The following IL20RB variants were observed in gnomAD, a reference collection of about 807,000 sequenced individuals.
IL20RB encodes the protein interleukin 20 receptor subunit beta.
IL20RB carries 21 observed loss-of-function variants against 33.3 expected under a neutral mutation model. The observed-to-expected ratio is 0.63, with a 90% confidence interval of 0.45 to 0.91. The LOEUF (loss-of-function observed/expected upper bound fraction) is 0.91. IL20RB is among the 40% of genes least tolerant of loss of function. IL20RB has a pLI of 0.00. For missense variants in IL20RB, 345 were observed against 384.8 expected, an observed-to-expected ratio of 0.90 and a Z score of 0.86; for synonymous variants, 147 against 146.8, an observed-to-expected ratio of 1.00 and a Z score of -0.01.
rs1391427754 is a variant in IL20RB, at chr3:136,982,306, C to A, written c.362C>A (p.Thr121Asn). The A allele has an allele frequency of 2.5e-6, 4 of 1,608,616 alleles. No homozygotes were observed. The highest frequency in any genetic ancestry group is 3.4e-6 in the Non-Finnish European group (4 of 1,175,946). The change falls in exon 3 of 7, where the codon ACC (threonine) becomes AAC (asparagine). Residue 121 changes from threonine (T) to asparagine (N), a missense_variant. Coordinates refer to ENST00000329582, the MANE Select transcript of IL20RB (RefSeq NM_144717.4). ...GTCAGGGCCACATTGGGCTCACAGA[C>A]CTCAGCCTGGAGCATCCTGAAGCAT... is the stretch of plus-strand genomic sequence containing the variant. ...LRVRATLGSQTSAWSILKHPF... is the reference protein window; with the variant it reads ...LRVRATLGSQNSAWSILKHPF...
chr3:136,987,884 C>A (rs910317891), intron 3 of IL20RB, among the ~76,000 whole-genome samples: 1 of 152,144 alleles, frequency 6.6e-6, no homozygotes, highest in Non-Finnish European at 1.5e-5. Context: ...GCTCCGAGTG[C>A]GGGGCCCACC....
At chr3:136,985,340 T>A (rs1459562924) in intron 3 of IL20RB, among the ~76,000 whole-genome samples, 3 of 47,574 alleles carry the variant, frequency 6.3e-5, no homozygotes, top group Non-Finnish European at 8.7e-5. Flanking sequence ...TCTCTCTCTT[T>A]TTTTTTTTTT....
At chr3:136,963,683 T>C (rs529240617) in intron 1 of IL20RB, among the ~76,000 whole-genome samples, 6 of 94,754 alleles carry the variant, frequency 6.3e-5, no homozygotes, top group South Asian at 3.4e-4. Context: ...AGTTCTTTTT[T>C]TTTTTTTTTA....
Position 137,010,237 on chromosome 3 carries a change from C to G in IL20RB, c.*14C>G. On this transcript the variant is annotated 3_prime_UTR_variant, in exon 7 of 7. Transcript: ENST00000329582. The stretch of plus-strand genomic sequence containing the variant: ...TGGATCTCATAGGTTTGCGGAAGGG[C>G]CCAGGTGAAGCCGAGAACCTGGTCT... 7.8e-7 allele frequency: 1 copy of G among 1,282,954 alleles called. No individual in the cohort carries two copies. 79.5% of individuals were successfully genotyped at this position (1,282,954 alleles called of 1,614,324 possible). A position where few individuals can be genotyped will look rare whatever the true frequency, so the allele number is the denominator to read the frequency against.
intron 2 of IL20RB, among the ~76,000 whole-genome samples, chr3:136,981,822 G>A (rs1429575579): frequency 6.6e-6 from 1 of 152,198 alleles, no homozygotes; most frequent in Non-Finnish European, 1.5e-5. Context: ...AATCTGCTGA[G>A]TGGTGAATGG....
intron 5 of IL20RB, among the ~76,000 whole-genome samples, chr3:136,992,977 T>C (rs548370504): frequency 2.3e-4 from 35 of 152,346 alleles, no homozygotes; most frequent in African/African-American, 4.3e-4. Context: ...ATAACATTTT[T>C]CATGCAGATT....
At chr3:136,997,436 T>A (rs972833864) in intron 6 of IL20RB, among the ~76,000 whole-genome samples, 2 of 152,170 alleles carry the variant, frequency 1.3e-5, no homozygotes, top group African/African-American at 2.4e-5. Context: ...ATTTCGAGGC[T>A]CTGTTTTAAG....
rs1184116089 is a variant in IL20RB at position 136,994,046 on chromosome 3, A to G, written c.683-1368A>G. ...AAAATCTATATGTCAATATATGTAA[A>G]TGAAAGGCTGTTGCTCTAGTTCAGA... On this transcript the variant is annotated intron_variant, in intron 5 of 6. Coordinates refer to ENST00000329582, the MANE Select transcript of IL20RB (RefSeq NM_144717.4). Among the ~76,000 whole-genome samples the G allele has an allele frequency of 5.3e-5, 8 of 152,118 alleles. 1 individual carries two copies. Among genetic ancestry groups the G allele is most frequent in the African/African-American group, 1.9e-4 (8 of 41,430 alleles).
At chr3:136,969,960 T>A (rs1941428921) in intron 1 of IL20RB, among the ~76,000 whole-genome samples, 1 of 152,178 alleles carries the variant, frequency 6.6e-6, no homozygotes, top group African/African-American at 2.4e-5. Flanking sequence ...CCTAAAAGTT[T>A]TAGAGTTTTA....
intron 3 of IL20RB, among the ~76,000 whole-genome samples, chr3:136,986,297 T>C (rs946033309): frequency 6.6e-6 from 1 of 152,094 alleles, no homozygotes; most frequent in Non-Finnish European, 1.5e-5. Flanking sequence ...TAAAGCTTCC[T>C]GGGCAGATTA....
At chr3:136,963,692 T>TA (rs1553802036) in intron 1 of IL20RB, among the ~76,000 whole-genome samples, 6,263 of 132,190 alleles carry the variant, frequency 0.047, 155 homozygotes, top group Non-Finnish European at 0.064. Context: ...TTTTTTTTTT[T>TA]ATTTTTTTTT....
Position 136,995,507 on chromosome 3 carries a change from G to C in IL20RB, c.776G>C (p.Arg259Pro). ...CCACTGTTCGTCTGGAAAATGGGCC[G>C]GCTGCTCCAGTACTCCTGTTGCCCC... ...VVPLFVWKMG[R>P]LLQYSCCPVV... The change falls in exon 6 of 7, where the codon CGG becomes CCG. Residue 259 changes from arginine to proline, a missense_variant. Arg to Pro is a moderately radical substitution (Grantham distance 103). Transcript: ENST00000329582. 6.2e-7 allele frequency: 1 copy of C among 1,614,092 alleles called. No homozygotes were observed. The highest frequency in any genetic ancestry group is 8.5e-7 in the Non-Finnish European group (1 of 1,180,016).
chr3:137,001,897 G>A (rs1429614428), intron 6 of IL20RB, among the ~76,000 whole-genome samples: 1 of 152,068 alleles, frequency 6.6e-6, no homozygotes, highest in African/African-American at 2.4e-5. Flanking sequence ...ATTTACACTA[G>A]GTATTTCTCC....
intron 1 of IL20RB, among the ~76,000 whole-genome samples, chr3:136,974,146 C>T (rs1046469503): frequency 5.3e-5 from 8 of 151,536 alleles, no homozygotes. Flanking sequence ...TTCTTTTTCT[C>T]CTATTGTTCA....
chr3:136,989,629 G>A (rs1056815871), intron 4 of IL20RB, 64 bp downstream of exon 4: 1 of 1,594,874 alleles, frequency 6.3e-7, no homozygotes, highest in South Asian at 1.1e-5. Context: ...TTCTGAGGGT[G>A]AGCAAGGGAA....
chr3:136,995,817 A>T (rs974544134), intron 6 of IL20RB, among the ~76,000 whole-genome samples: 6 of 152,096 alleles, frequency 3.9e-5, no homozygotes, highest in Non-Finnish European at 7.4e-5. Flanking sequence ...AAGAGAGAAG[A>T]TGTGTTGCCC....
At chr3:136,994,759 C>A (rs1359025951) in intron 5 of IL20RB, among the ~76,000 whole-genome samples, 1 of 152,170 alleles carries the variant, frequency 6.6e-6, no homozygotes, top group Non-Finnish European at 1.5e-5. Context: ...CCAGTCCTAC[C>A]TGGGTAACCT....
chr3:136,958,025 C>T lies in IL20RB; in HGVS notation c.-89C>T, dbSNP rs550474811. 263 of 826,878 alleles carry T rather than the reference C, an allele frequency of 3.2e-4. 1 individual carries two copies. The African/African-American group carries it at 4.0e-3, about 13-fold the overall frequency. The allele number at this position is 826,878 out of a possible 1,614,324, so 51.2% of individuals were successfully genotyped here. A position where few individuals can be genotyped will look rare whatever the true frequency, so the allele number is the denominator to read the frequency against. Reference sequence around the variant, plus strand: ...GCTGCGACTCAGACCTCAGCTCCAACATATGCATTCTGAAGAAAGATGGCT... The same window carrying T: ...GCTGCGACTCAGACCTCAGCTCCAATATATGCATTCTGAAGAAAGATGGCT... On this transcript the variant is annotated 5_prime_UTR_variant, in exon 1 of 7. Coordinates refer to ENST00000329582, the MANE Select transcript of IL20RB (RefSeq NM_144717.4).
intron 1 of IL20RB, among the ~76,000 whole-genome samples, chr3:136,975,647 T>C (rs1381567716): frequency 6.6e-6 from 1 of 152,126 alleles, no homozygotes; most frequent in Admixed American, 6.6e-5. Flanking sequence ...CATTTTTGCT[T>C]TTATTCTGGG....
Sources: allele counts gnomAD v4.1 joint callset (sites outside exome capture counted in the v4.1 genomes callset), GRCh38; gene constraint gnomAD v4.1.1; transcripts MANE v1.5; gene names NCBI Gene and HGNC (gene_info 2026-07-23, HGNC 2026-07-21).